Variants in STMN1 observed in about 807,000 individuals in gnomAD.
The protein encoded by STMN1 is stathmin 1, also known as stathmin.
In STMN1, 3 loss-of-function variants were observed where a neutral mutation model predicts 19.7. The observed-to-expected ratio is 0.15, with a 90% CI of 0.07 to 0.39. The LOEUF (loss-of-function observed/expected upper bound fraction) is 0.39, where lower values mean the gene tolerates loss of function less well. Ranked by LOEUF, STMN1 falls within the 10% of genes least tolerant of loss-of-function variation. The probability of loss-of-function intolerance (pLI) is 1.00; values close to 1 mark genes in which losing one functional copy is unlikely to be tolerated. For missense variants in STMN1, 99 were observed against 176.0 expected, an observed-to-expected ratio of 0.56 and a Z score of 2.48; for synonymous variants, 59 against 58.9, an observed-to-expected ratio of 1.00 and a Z score of -0.01.
At chr1:25,905,732 C>T (rs2048935387) in intron 1 of STMN1, 1 of 152,406 alleles carries the variant, frequency 6.6e-6, no homozygotes, top group Non-Finnish European at 1.5e-5. Flanking sequence ...GCCAAAAACA[C>T]CTCCAGGCCG....
At chr1:25,903,498 A>G (rs956156981) in intron 3 of STMN1, 143 bp downstream of exon 3, 24 of 1,099,772 alleles carry the variant, frequency 2.2e-5, no homozygotes, top group Non-Finnish European at 3.0e-5. Context: ...TCAATAAATG[A>G]GGACTGGTAT....
At chr1:25,891,349 T>G (rs1052315442) in intron 4 of STMN1, among the ~76,000 whole-genome samples, 34 of 145,448 alleles carry the variant, frequency 2.3e-4, no homozygotes, top group Middle Eastern at 3.5e-3. Flanking sequence ...AAAAAAAAAT[T>G]CAGATGGATT....
chr1:25,900,099 T>G (rs1034378399), downstream of STMN1: 4 of 985,812 alleles, frequency 4.1e-6, no homozygotes, highest in Non-Finnish European at 4.8e-6. Flanking sequence ...AGGTTCCCTT[T>G]AGTCATTTCA....
At chr1:25,889,649 C>T (rs1397041750) in intron 4 of STMN1, among the ~76,000 whole-genome samples, 3 of 152,162 alleles carry the variant, frequency 2.0e-5, no homozygotes, top group South Asian at 2.1e-4. Context: ...TTGTGCACTC[C>T]GGCTCTCCTT....
chr1:25,896,727 C>G (rs1446172505), downstream of STMN1, among the ~76,000 whole-genome samples: 1 of 152,206 alleles, frequency 6.6e-6, no homozygotes, highest in Admixed American at 6.5e-5. Flanking sequence ...AGTCAGAAAC[C>G]CTTTCCTACG....
rs377284734 is a variant in STMN1, at chr1:25,890,490, T to G, written c.379-4621A>C. ...TATCTTAAACAGGCTTGTTTACTTA[T>G]GTTGACCAGAAACTGACCTTTGATT... On this transcript the variant is annotated intron_variant, in intron 4 of 4. Transcript: ENST00000426559. Among the ~76,000 whole-genome samples the G allele has an allele frequency of 1.1e-4, 17 of 152,362 alleles. No homozygotes were observed. In the East Asian group the frequency reaches 2.9e-3, roughly 26 times the overall value.
chr1:25,888,285 C>A (rs983620439), intron 4 of STMN1, among the ~76,000 whole-genome samples: 1 of 152,092 alleles, frequency 6.6e-6, no homozygotes, highest in African/African-American at 2.4e-5. Context: ...ATGCCATGCC[C>A]GACCACCATC....
intron 1 of STMN1, among the ~76,000 whole-genome samples, chr1:25,905,659 G>T (rs1047058417): frequency 3.3e-5 from 5 of 152,094 alleles, no homozygotes; most frequent in African/African-American, 1.2e-4. Context: ...GGGGCTAACG[G>T]TCCAATCCGG....
chr1:25,897,733 G>C (rs965225351), downstream of STMN1, among the ~76,000 whole-genome samples: 6 of 152,202 alleles, frequency 3.9e-5, no homozygotes, highest in Non-Finnish European at 8.8e-5. Context: ...GCTTAGAGCA[G>C]ATCTGCCTGG....
downstream of STMN1, among the ~76,000 whole-genome samples, chr1:25,898,892 T>A (rs2048844549): frequency 6.6e-6 from 1 of 152,176 alleles, no homozygotes; most frequent in African/African-American, 2.4e-5. Flanking sequence ...TCCTCTTCAC[T>A]CCAAGCCAGA....
Position 25,900,272 on chromosome 1 carries a change from C to A in STMN1, c.*744G>T, listed in dbSNP as rs967366754. ...CTCTCTCAACTGTTCTCTAGAAACA[C>A]GCTTGTGCTTTTAATCTGCCTTTTA... On this transcript the variant is annotated 3_prime_UTR_variant, in exon 5 of 5. Transcript: ENST00000455785. 6 of 985,714 alleles carry A rather than the reference C, an allele frequency of 6.1e-6. No individual in the cohort carries two copies. The highest frequency in any genetic ancestry group is 9.4e-5 in the South Asian group (2 of 21,288). The allele number at this position is 985,714 out of a possible 1,614,324, so 61.1% of individuals were successfully genotyped here.
Position 25,901,031 on chromosome 1 carries a change from C to T in STMN1, c.435G>A (p.Glu145=). The T allele has an allele frequency of 6.2e-7, 1 of 1,611,054 alleles. No homozygotes were observed. Among genetic ancestry groups the T allele is most frequent in the African/African-American group, 1.3e-5 (1 of 74,196 alleles). ...TCAGAACAAATTAGTCAGCTTCAGT[C>T]TCGTCAGCAGGGTCTTTGGATTCTT... ...KNKESKDPAD[E]TEAD is the part of the protein sequence containing the mutation. Residue 145 remains glutamate, a synonymous_variant, in exon 5 of 5, where the codon GAG becomes GAA. Transcript: ENST00000455785.
chr1:25,894,524 A>G (rs2048802325), intron 4 of STMN1, among the ~76,000 whole-genome samples: 1 of 152,092 alleles, frequency 6.6e-6, no homozygotes, highest in Non-Finnish European at 1.5e-5. Flanking sequence ...TACAAAAAAT[A>G]CGAAAATTAG....
At chr1:25,901,332 G>C (rs2048871659) in intron 4 of STMN1, 159 bp downstream of exon 4, 4 of 1,145,252 alleles carry the variant, frequency 3.5e-6, no homozygotes, top group Non-Finnish European at 4.9e-6. Context: ...GGGAATTACT[G>C]AATATTCCAT....
At position 25,903,865 on chromosome 1, in the gene STMN1, T is replaced by C. The variant is rs374093449; in HGVS notation, c.14-52A>G. The C allele has an allele frequency of 1.2e-5, 19 of 1,528,076 alleles. No homozygotes were observed. In the South Asian group the frequency reaches 2.1e-4, roughly 17 times the overall value. The allele number at this position is 1,528,076 out of a possible 1,614,324, so 94.7% of individuals were successfully genotyped here. On this transcript the variant is annotated intron_variant, in intron 2 of 4. Transcript: ENST00000455785. ...GAAAACCAGGATTCTCCTGTTCTAA[T>C]AAACTGTACTATAATTTTCTAAAAC...
At chr1:25,890,805 TTGGAAAAAAC>T (rs1485617297) in intron 4 of STMN1, among the ~76,000 whole-genome samples, 1 of 152,018 alleles carries the variant, frequency 6.6e-6, no homozygotes, top group Non-Finnish European at 1.5e-5. Context: ...CAGAGACCAT[TTGGAAAAAAC>T]TGGAAAGAAG....
Position 25,903,807 on chromosome 1 carries a change from T to C in STMN1, c.20A>G (p.Gln7Arg), listed in dbSNP as rs1375121518. Residue 7 changes from glutamine to arginine, a missense_variant, in exon 3 of 5, where the codon CAG (glutamine) becomes CGG (arginine). Gln to Arg is a conservative substitution (Grantham distance 43). This residue lies in a region of STMN1 where 37 missense variants were observed against 57.9 expected (regional missense o/e 0.64). Coordinates refer to ENST00000455785, the MANE Select transcript of STMN1 (RefSeq NM_005563.4). ...GGCACGCTTCTCCAGTTCTTTCACC[T>C]GGATATCTAGAATTGATTATATTTA... MASSDI[Q>R]VKELEKRASG... is the part of the protein sequence containing the mutation. 3 of 1,602,524 alleles carry C rather than the reference T, an allele frequency of 1.9e-6. No individual in the cohort carries two copies. The highest frequency in any genetic ancestry group is 2.5e-6 in the Non-Finnish European group (3 of 1,176,946).
exon 5 of STMN1, chr1:25,885,691 G>A: frequency 6.5e-7 from 1 of 1,539,934 alleles, no homozygotes; most frequent in Non-Finnish European, 8.8e-7. Flanking sequence ...CAAGGTCATT[G>A]CTATCATCAA....
intron 4 of STMN1, among the ~76,000 whole-genome samples, chr1:25,886,877 T>G (rs754734996): frequency 2.8e-4 from 42 of 152,140 alleles, no homozygotes; most frequent in Non-Finnish European, 5.7e-4. Context: ...TGAGCCACCG[T>G]GCCTGGCCCC....
Sources: gnomAD v4.1 joint callset for allele counts (sites outside exome capture counted in the v4.1 genomes callset) on GRCh38, gnomAD v4.1.1 for gene constraint, gnomAD v4.1.1 regional missense constraint, MANE v1.5 for transcripts, NCBI Gene and HGNC (gene_info 2026-07-23, HGNC 2026-07-21) for gene names.